Variants in ARL6IP6 observed in about 807,000 individuals in gnomAD.
The protein encoded by ARL6IP6 is ARF like GTPase 6 interacting protein 6, also known as ADP-ribosylation factor-like protein 6-interacting protein 6.
ARL6IP6 carries 22 observed loss-of-function variants against 21.5 expected under a neutral mutation model. The ratio of observed to expected loss-of-function variants is 1.02; its 90% CI spans 0.73 to 1.46. The LOEUF is 1.46. ARL6IP6 is among the 40% of genes most tolerant of loss of function. ARL6IP6 has a pLI of 0.00. For synonymous variants in ARL6IP6, 164 were observed against 125.3 expected (o/e 1.31, Z -2.06); for missense variants, 388 against 299.8 (o/e 1.29, Z -2.17).
Position 152,761,038 on chromosome 2 carries a change from GC to G in ARL6IP6, c.*1200del, listed in dbSNP as rs1701821688. On this transcript the variant is annotated 3_prime_UTR_variant, in exon 4 of 4. Transcript: ENST00000326446. ...ACTACTTACAAAGCTGTTTTCCCTGGCCATAGGAAAACTTACAATAAGAAAC... is the reference window on the plus strand; with the variant it reads ...ACTACTTACAAAGCTGTTTTCCCTGGCATAGGAAAACTTACAATAAGAAAC... 1 of 151,892 alleles carries G rather than the reference GC, an allele frequency of 6.6e-6. No homozygotes were observed. Among genetic ancestry groups the G allele is most frequent in the Non-Finnish European group, 1.5e-5 (1 of 68,010 alleles). The allele number at this position is 151,892 out of a possible 1,614,324, so 9.4% of individuals were successfully genotyped here. A position where few individuals can be genotyped will look rare whatever the true frequency, so the allele number is the denominator to read the frequency against.
chr2:152,755,563 C>T (rs1023174915), intron 3 of ARL6IP6, among the ~76,000 whole-genome samples: 2 of 152,182 alleles, frequency 1.3e-5, no homozygotes, highest in African/African-American at 4.8e-5. Flanking sequence ...ATAAGCCTGT[C>T]TCTCTCTCTT....
intron 3 of ARL6IP6, among the ~76,000 whole-genome samples, chr2:152,751,966 G>T (rs1458160843): frequency 2.0e-4 from 31 of 152,032 alleles, no homozygotes; most frequent in Admixed American, 2.0e-3. Context: ...TTCCATAATG[G>T]CTATATTAAT....
chr2:152,720,474 G>T, intron 1 of ARL6IP6, 59 bp from the exon 2 acceptor site: 2 of 1,537,602 alleles, frequency 1.3e-6, no homozygotes, highest in South Asian at 1.1e-5. Flanking sequence ...CACAGCCCTT[G>T]AGTTACTTTT....
chr2:152,718,158 T>C, upstream of ARL6IP6: 2 of 759,020 alleles, frequency 2.6e-6, no homozygotes, highest in Non-Finnish European at 3.2e-6. Context: ...TGGAGAAGAG[T>C]GTGAGCGTAG....
At chr2:152,724,336 A>G (rs1019489240) in intron 2 of ARL6IP6, among the ~76,000 whole-genome samples, 1 of 152,226 alleles carries the variant, frequency 6.6e-6, no homozygotes, top group Non-Finnish European at 1.5e-5. Flanking sequence ...CACTTTTACA[A>G]TATGCCAAAA....
intron 3 of ARL6IP6, among the ~76,000 whole-genome samples, chr2:152,743,476 A>T (rs1321174030): frequency 1.3e-5 from 2 of 152,182 alleles, no homozygotes; most frequent in Non-Finnish European, 2.9e-5. Flanking sequence ...TTCCAAAATA[A>T]GTCATTCTTG....
upstream of ARL6IP6, chr2:152,718,578 C>T: frequency 1.3e-6 from 2 of 1,492,362 alleles, no homozygotes; most frequent in Non-Finnish European, 1.8e-6. Flanking sequence ...CGGGGCGGGG[C>T]AGGTGGGAGA....
chr2:152,724,130 G>A (rs200686105), intron 2 of ARL6IP6, among the ~76,000 whole-genome samples: 21 of 97,416 alleles, frequency 2.2e-4, no homozygotes, highest in South Asian at 1.3e-3. Flanking sequence ...AAAAAAAAGA[G>A]AGAAAGCCAA....
At chr2:152,722,311 AATGAGCAGAAAGTGTTGTATCTTT>A (rs1330898535) in intron 2 of ARL6IP6, among the ~76,000 whole-genome samples, 1 of 152,226 alleles carries the variant, frequency 6.6e-6, no homozygotes, top group Non-Finnish European at 1.5e-5. Flanking sequence ...AAGAGTCAGG[AATGAGCAGAAAGTGTTGTATCTTT>A]ATGGTGAAAA....
chr2:152,735,507 G>C (rs1463871009), intron 3 of ARL6IP6, among the ~76,000 whole-genome samples: 1 of 152,152 alleles, frequency 6.6e-6, no homozygotes, highest in Non-Finnish European at 1.5e-5. Context: ...ATAATAATTG[G>C]ATTGGACTTT....
intron 2 of ARL6IP6, among the ~76,000 whole-genome samples, chr2:152,724,474 G>A (rs938460920): frequency 1.3e-5 from 2 of 152,172 alleles, no homozygotes; most frequent in African/African-American, 4.8e-5. Flanking sequence ...AGTCTAGGTA[G>A]TATAGCAAGG....
chr2:152,752,027 A>G (rs1450958807), intron 3 of ARL6IP6, among the ~76,000 whole-genome samples: 1 of 152,224 alleles, frequency 6.6e-6, no homozygotes, highest in Non-Finnish European at 1.5e-5. Flanking sequence ...CAGAAATTAT[A>G]GTCATTTTGC....
At chr2:152,719,259 G>A (rs1260069987) in intron 1 of ARL6IP6, among the ~76,000 whole-genome samples, 2 of 152,122 alleles carry the variant, frequency 1.3e-5, no homozygotes, top group African/African-American at 4.8e-5. Context: ...GATTAAATGG[G>A]TACTCTTGAA....
intron 3 of ARL6IP6, among the ~76,000 whole-genome samples, chr2:152,748,313 T>G (rs909722838): frequency 6.6e-6 from 1 of 152,258 alleles, no homozygotes; most frequent in Non-Finnish European, 1.5e-5. Context: ...ATAAAGTTAA[T>G]GTAGTTTTAC....
In ARL6IP6 at chr2:152,718,696, T is replaced by G. The variant is rs537024763; in HGVS notation, c.72T>G (p.Ala24=). Residue 24 remains alanine, a synonymous_variant, in exon 1 of 4, where the codon GCT becomes GCG. Coordinates refer to ENST00000326446, the MANE Select transcript of ARL6IP6 (RefSeq NM_152522.7). ...RRGPGTPGPV[A]RPSYSSFTQG... Reference sequence around the variant, plus strand: ...GTCCCGGCACCCCGGGCCCTGTGGCTCGGCCATCGTATTCCTCCTTTACTC... The same window carrying G: ...GTCCCGGCACCCCGGGCCCTGTGGCGCGGCCATCGTATTCCTCCTTTACTC... 2 of 1,596,492 alleles carry G rather than the reference T, an allele frequency of 1.3e-6. No homozygotes were observed. Among genetic ancestry groups the G allele is most frequent in the African/African-American group, 2.7e-5 (2 of 74,594 alleles).
At chr2:152,728,109 G>C (rs182045279) in intron 2 of ARL6IP6, among the ~76,000 whole-genome samples, 1 of 152,202 alleles carries the variant, frequency 6.6e-6, no homozygotes, top group Non-Finnish European at 1.5e-5. Flanking sequence ...ATATTTTGCA[G>C]CCTTGTTAAA....
chr2:152,756,116 T>C (rs1701581374), intron 3 of ARL6IP6, among the ~76,000 whole-genome samples: 1 of 152,232 alleles, frequency 6.6e-6, no homozygotes, highest in South Asian at 2.1e-4. Flanking sequence ...CTTTAGTTTC[T>C]TGTGCTTTTG....
chr2:152,735,234 C>A, intron 3 of ARL6IP6, 108 bp downstream of exon 3: 1 of 1,213,194 alleles, frequency 8.2e-7, no homozygotes, highest in South Asian at 1.5e-5. Flanking sequence ...AGGTTTCAGT[C>A]TTTATAAAGC....
chr2:152,748,560 A>G (rs1164632698), intron 3 of ARL6IP6, among the ~76,000 whole-genome samples: 1 of 152,194 alleles, frequency 6.6e-6, no homozygotes, highest in African/African-American at 2.4e-5. Context: ...TGAAAGGGGA[A>G]TAGATTAGTA....
Sources: gnomAD v4.1 joint callset for allele counts (sites outside exome capture counted in the v4.1 genomes callset) on GRCh38, gnomAD v4.1.1 for gene constraint, MANE v1.5 for transcripts, NCBI Gene and HGNC (gene_info 2026-07-23, HGNC 2026-07-21) for gene names.